SYT14: variants seen among roughly 807,000 people sequenced by gnomAD.
SYT14 encodes the protein synaptotagmin-14.
Under a neutral mutation model 74.2 loss-of-function variants are expected in SYT14, and 32 were observed. That is an observed-to-expected ratio of 0.43 (90% CI 0.33 to 0.58). SYT14 has a LOEUF of 0.58. Ranked by LOEUF, SYT14 falls within the 20% of genes least tolerant of loss-of-function variation. The probability of loss-of-function intolerance (pLI) is 0.05; values close to 1 mark genes in which losing one functional copy is unlikely to be tolerated. For synonymous variants in SYT14, 298 were observed against 337.7 expected (o/e 0.88, Z 1.29); for missense variants, 791 against 981.8 (o/e 0.81, Z 2.60).
At chr1:209,987,270 A>G (rs921381831) in intron 2 of SYT14, among the ~76,000 whole-genome samples, 1 of 152,168 alleles carries the variant, frequency 6.6e-6, no homozygotes, top group African/African-American at 2.4e-5. Context: ...CCAGTTTTCT[A>G]TATTAGGCAA....
At chr1:210,074,597 C>T (rs1463621511) in intron 5 of SYT14, among the ~76,000 whole-genome samples, 1 of 152,168 alleles carries the variant, frequency 6.6e-6, no homozygotes, top group Non-Finnish European at 1.5e-5. Context: ...TGACTACAGT[C>T]CCAATTCTGT....
intron 7 of SYT14, among the ~76,000 whole-genome samples, chr1:210,146,451 TAAAC>T (rs143120311): frequency 0.24 from 36,933 of 151,838 alleles, 5,331 homozygotes; most frequent in Non-Finnish European, 0.31. Context: ...TAAAAACTGT[TAAAC>T]AAAATGTAAA....
chr1:210,046,228 G>T (rs1261886255), intron 5 of SYT14, among the ~76,000 whole-genome samples: 6 of 152,080 alleles, frequency 3.9e-5, no homozygotes, highest in Admixed American at 6.6e-5. Flanking sequence ...ACAAAAATTG[G>T]CTAGGCATGG....
rs1572058207 is a variant in SYT14 at position 209,952,085 on chromosome 1, T to A, written c.-533-624T>A. On this transcript the variant is annotated intron_variant, in intron 1 of 9. Coordinates refer to ENST00000637265, the Ensembl canonical transcript of SYT14. Reference sequence around the variant, plus strand: ...GGGTGCTTACTTTGTGACAATTACATGAAAGTTTTATATATTAGTGCACTT... The same window carrying A: ...GGGTGCTTACTTTGTGACAATTACAAGAAAGTTTTATATATTAGTGCACTT... Among the ~76,000 whole-genome samples, 2 of 152,282 alleles carry A rather than the reference T, an allele frequency of 1.3e-5. 1 individual carries two copies. The highest frequency in any genetic ancestry group is 3.9e-4 in the East Asian group (2 of 5,188).
intron 5 of SYT14, among the ~76,000 whole-genome samples, chr1:210,090,644 C>G (rs773655747): frequency 2.0e-5 from 3 of 152,184 alleles, no homozygotes; most frequent in Middle Eastern, 3.4e-3. Context: ...GGTAATAAAG[C>G]AGGAACTAAA....
exon 10 of SYT14, chr1:210,163,394 A>G (rs1237672300): frequency 2.2e-6 from 1 of 453,614 alleles, no homozygotes; most frequent in Admixed American, 2.4e-5. Context: ...GAAAGACCCT[A>G]CCTCCACCCC....
At chr1:210,015,671 C>G (rs1355958917) in intron 3 of SYT14, 1 of 182,438 alleles carries the variant, frequency 5.5e-6, no homozygotes, top group East Asian at 1.5e-4. Context: ...CCTTTTTATA[C>G]TTCTTTTTTC....
intron 6 of SYT14, among the ~76,000 whole-genome samples, chr1:210,097,231 C>T (rs1029639531): frequency 2.0e-4 from 30 of 152,166 alleles, no homozygotes; most frequent in African/African-American, 5.1e-4. Flanking sequence ...AAAATTCTCA[C>T]TTTTCTCTTG....
chr1:210,156,265 TA>T lies in SYT14; in HGVS notation c.2224+357del, dbSNP rs1480862842. Among the ~76,000 whole-genome samples, 4 of 152,112 alleles carry T rather than the reference TA, an allele frequency of 2.6e-5. No individual in the cohort carries two copies. The East Asian group carries it at 7.7e-4, about 29-fold the overall frequency. On this transcript the variant is annotated intron_variant, in intron 8 of 9. Transcript: ENST00000637265. ...ATAGCTATTGTTGTTAACTGAAGAG[TA>T]ATGTGTTTTGTATCTGCATGCAGTA...
chr1:210,045,081 A>G (rs2080860634), intron 5 of SYT14, among the ~76,000 whole-genome samples: 1 of 152,192 alleles, frequency 6.6e-6, no homozygotes, highest in Admixed American at 6.5e-5. Flanking sequence ...CTTTATTAAT[A>G]ATAATATATC....
exon 10 of SYT14, chr1:210,161,658 A>G (rs2083375111): frequency 6.6e-6 from 3 of 453,624 alleles, no homozygotes; most frequent in Non-Finnish European, 1.3e-5. Context: ...ATTCATTTTC[A>G]TACAGGAATT....
At chr1:210,054,073 G>T (rs1263742478) in intron 5 of SYT14, among the ~76,000 whole-genome samples, 1 of 151,842 alleles carries the variant, frequency 6.6e-6, no homozygotes. Context: ...TTGCTATTTT[G>T]GTTCTCATTT....
intron 7 of SYT14, among the ~76,000 whole-genome samples, chr1:210,142,902 G>T (rs2082947348): frequency 6.6e-6 from 1 of 152,186 alleles, no homozygotes; most frequent in Non-Finnish European, 1.5e-5. Flanking sequence ...TTATGTGTTA[G>T]CTCACGTAAT....
Position 209,986,232 on chromosome 1 carries a change from A to T in SYT14, c.-485-27401A>T, listed in dbSNP as rs2079567974. Among the ~76,000 whole-genome samples, 3 of 152,040 alleles carry T rather than the reference A, an allele frequency of 2.0e-5. No homozygotes were observed. In the South Asian group the frequency reaches 6.2e-4, roughly 31 times the overall value. On this transcript the variant is annotated intron_variant, in intron 2 of 9. Coordinates refer to ENST00000637265, the Ensembl canonical transcript of SYT14. ...TTTAAATGTAAGTTCCTATGTTAGT[A>T]ATTTCTTTGTTCCCACATCTGAACA...
chr1:210,121,334 T>G (rs968585039), intron 7 of SYT14, among the ~76,000 whole-genome samples: 1 of 152,154 alleles, frequency 6.6e-6, no homozygotes, highest in African/African-American at 2.4e-5. Context: ...TAAAAAATCT[T>G]TGCATTGTAT....
Position 210,109,801 on chromosome 1 carries a change from A to G in SYT14, c.2034+9340A>G, listed in dbSNP as rs187271308. On this transcript the variant is annotated intron_variant, in intron 7 of 9. Coordinates refer to ENST00000637265, the Ensembl canonical transcript of SYT14. Reference sequence around the variant, plus strand: ...CCAAAGGATTGTAAATCATTCTGCTATAGAGACACGTACACATGTATGTTT... The same window carrying G: ...CCAAAGGATTGTAAATCATTCTGCTGTAGAGACACGTACACATGTATGTTT... Among the ~76,000 whole-genome samples, 8 of 152,326 alleles carry G rather than the reference A, an allele frequency of 5.3e-5. No homozygotes were observed. The East Asian group carries it at 9.6e-4, about 18-fold the overall frequency.
At chr1:210,162,772 T>C in exon 10 of SYT14, 1 of 445,084 alleles carries the variant, frequency 2.2e-6, no homozygotes, top group Non-Finnish European at 4.5e-6. Flanking sequence ...TGTATTTTTT[T>C]AGTTTAAAAA....
chr1:210,048,720 A>G (rs4844942), intron 5 of SYT14, among the ~76,000 whole-genome samples: 7,601 of 152,224 alleles, frequency 0.05, 1,051 homozygotes, highest in East Asian at 0.42. Context: ...TGCTTTCCCA[A>G]CGGTCCCCCA....
At chr1:210,080,265 C>T (rs2081593927) in intron 5 of SYT14, among the ~76,000 whole-genome samples, 1 of 152,016 alleles carries the variant, frequency 6.6e-6, no homozygotes, top group Admixed American at 6.6e-5. Flanking sequence ...AATAAAACAC[C>T]CTCCAGTGTC....
Sources: gnomAD v4.1 joint callset for allele counts (sites outside exome capture counted in the v4.1 genomes callset) on GRCh38, gnomAD v4.1.1 for gene constraint, MANE v1.5 for transcripts, NCBI Gene and HGNC (gene_info 2026-07-23, HGNC 2026-07-21) for gene names.